The following PLEKHJ1 variants were observed in gnomAD, a reference collection of about 807,000 sequenced individuals.
PLEKHJ1 encodes pleckstrin homology domain containing J1.
In PLEKHJ1, 20 loss-of-function variants were observed where a neutral mutation model predicts 21.7. The observed-to-expected ratio is 0.92, with a 90% CI of 0.65 to 1.34. The LOEUF (loss-of-function observed/expected upper bound fraction) is 1.34, where lower values mean the gene tolerates loss of function less well. PLEKHJ1 is among the 40% of genes most tolerant of loss of function. PLEKHJ1 has a pLI of 0.00. For missense variants in PLEKHJ1, 241 were observed against 202.0 expected (o/e 1.19, Z -1.17); for synonymous variants, 113 against 80.6 (o/e 1.40, Z -2.15).
At chr19:2,230,055 A>G (rs992200096), downstream of PLEKHJ1, 1 of 609,352 alleles carries the variant, frequency 1.6e-6, no homozygotes, top group African/African-American at 1.9e-5. Flanking sequence ...CTAAGTGGTA[A>G]AAGGCAACTT....
In PLEKHJ1 at chr19:2,233,193, CT is replaced by C. The variant is rs3833283; in HGVS notation, c.*646del. 9,654 of 153,084 alleles carry C rather than the reference CT, an allele frequency of 0.063. 569 individuals carry two copies. The highest frequency in any genetic ancestry group is 0.15 in the African/African-American group (6,068 of 41,536). 9.5% of individuals were successfully genotyped at this position (153,084 alleles called of 1,614,324 possible). ...CCTTTATTTGAACAGAACAAGCACC[CT>C]GGCCCCAGGGCAACCACTTCCCCAG... is the stretch of plus-strand genomic sequence containing the variant. On this transcript the variant is annotated 3_prime_UTR_variant, in exon 6 of 6. Coordinates refer to ENST00000326631, the MANE Select transcript of PLEKHJ1 (RefSeq NM_018049.3).
chr19:2,236,091 C>T (rs1042810021), intron 1 of PLEKHJ1, 64 bp downstream of exon 1: 2 of 1,405,568 alleles, frequency 1.4e-6, no homozygotes, highest in Admixed American at 3.5e-5. Flanking sequence ...CCGGCACCCC[C>T]GCCCAGACCC....
downstream of PLEKHJ1, chr19:2,230,469 G>A (rs886721163): frequency 2.5e-6 from 1 of 399,152 alleles, no homozygotes; most frequent in Non-Finnish European, 4.4e-6. Context: ...CGGTGACGCA[G>A]CTGGCCATGT....
chr19:2,232,122 C>T (rs905537262), downstream of PLEKHJ1: 11 of 204,822 alleles, frequency 5.4e-5, no homozygotes, highest in East Asian at 1.5e-4. Flanking sequence ...CCTGAGTTTC[C>T]GTGGGCAGCT....
chr19:2,235,715 T>G (rs1307434111), intron 3 of PLEKHJ1, 47 bp downstream of exon 3: 2 of 1,508,492 alleles, frequency 1.3e-6, no homozygotes, highest in African/African-American at 1.4e-5. Context: ...GCGCTGCGGG[T>G]GCCCCGGGCT....
chr19:2,235,638 T>G, intron 3 of PLEKHJ1, 124 bp downstream of exon 3: 1 of 781,278 alleles, frequency 1.3e-6, no homozygotes, highest in Non-Finnish European at 2.0e-6. Flanking sequence ...ACTCTTGTGT[T>G]TGAGGAGGGT....
rs952726346 is a variant in PLEKHJ1 at position 2,236,177 on chromosome 19, C to G, written c.72G>C (p.Met24Ile). ...QPAEMAAELG[M>I]RGPKKGSVLK... Reference sequence around the variant, plus strand: ...CACCGCTGCCCTTCTTGGGGCCCCTCATGCCCAGCTCGGCCGCCATCTCGG... The same window carrying G: ...CACCGCTGCCCTTCTTGGGGCCCCTGATGCCCAGCTCGGCCGCCATCTCGG... Residue 24 changes from methionine to isoleucine, a missense_variant, in exon 1 of 6, where the codon ATG (methionine) becomes ATC (isoleucine). Coordinates refer to ENST00000326631, the MANE Select transcript of PLEKHJ1 (RefSeq NM_018049.3). 38 of 1,483,790 alleles carry G rather than the reference C, an allele frequency of 2.6e-5. No individual in the cohort carries two copies. The highest frequency in any genetic ancestry group is 3.1e-5 in the Non-Finnish European group (35 of 1,119,508). 91.9% of individuals were successfully genotyped at this position (1,483,790 alleles called of 1,614,324 possible).
chr19:2,236,088 C>A, intron 1 of PLEKHJ1, 67 bp downstream of exon 1: 2 of 1,412,874 alleles, frequency 1.4e-6, no homozygotes, highest in Non-Finnish European at 9.2e-7. Context: ...CCTCCGGCAC[C>A]CCCGCCCAGA....
In PLEKHJ1 at chr19:2,233,558, A is replaced by T. The variant is rs966486211; in HGVS notation, c.*282T>A. 6 of 518,112 alleles carry T rather than the reference A, an allele frequency of 1.2e-5. No homozygotes were observed. The highest frequency in any genetic ancestry group is 9.6e-5 in the African/African-American group (5 of 52,032). 32.1% of individuals were successfully genotyped at this position (518,112 alleles called of 1,614,324 possible). A position where few individuals can be genotyped will look rare whatever the true frequency, so the allele number is the denominator to read the frequency against. ...GGCTTCAGGCTTTGGATGTCTCCAA[A>T]CCAAAAACCTCCCACTGAAAATCCA... is the stretch of plus-strand genomic sequence containing the variant. On this transcript the variant is annotated 3_prime_UTR_variant, in exon 6 of 6. Coordinates refer to ENST00000326631, the MANE Select transcript of PLEKHJ1 (RefSeq NM_018049.3).
At position 2,234,092 on chromosome 19, in the gene PLEKHJ1, C is replaced by A. The variant is rs772427969; in HGVS notation, c.321-31G>T. ...GAAAAGGGTGGCACGGGGTCAAATG[C>A]CCGCTCTGCATGGCTGCTGTGCCCA... On this transcript the variant is annotated intron_variant, in intron 4 of 5. Coordinates refer to ENST00000326631, the MANE Select transcript of PLEKHJ1 (RefSeq NM_018049.3). The A allele has an allele frequency of 1.6e-5, 26 of 1,613,244 alleles. No homozygotes were observed. In the Admixed American group the frequency reaches 4.3e-4, roughly 27 times the overall value.
At chr19:2,232,577 G>C (rs968161393), downstream of PLEKHJ1, 1 of 201,490 alleles carries the variant, frequency 5.0e-6, no homozygotes, top group East Asian at 7.6e-5. Flanking sequence ...TTTTCACTCG[G>C]ACCTGGTGTG....
intron 3 of PLEKHJ1, 155 bp from the exon 4 acceptor site, chr19:2,234,395 G>A (rs768742091): frequency 2.3e-5 from 14 of 602,072 alleles, no homozygotes; most frequent in Non-Finnish European, 3.5e-5. Flanking sequence ...TATAAACAGG[G>A]TCTTTGCATA....
Position 2,233,875 on chromosome 19 carries a change from C to T in PLEKHJ1, c.415G>A (p.Glu139Lys). 6.2e-7 allele frequency: 1 copy of T among 1,612,270 alleles called. No homozygotes were observed. Among genetic ancestry groups the T allele is most frequent in the Non-Finnish European group, 8.5e-7 (1 of 1,179,786 alleles). The change falls in exon 6 of 6, where the codon GAG becomes AAG. Residue 139 changes from glutamate (E) to lysine (K), a missense_variant. Transcript: ENST00000326631. Reference protein sequence around the residue: ...DPLEQFGISEEARFQLSGLQA With the variant: ...DPLEQFGISEKARFQLSGLQA Reference sequence around the variant, plus strand: ...AAGCCACTCAGCTGGAACCTGGCCTCCTCGGATATGCCGAACTGTTCCAGG... The same window carrying T: ...AAGCCACTCAGCTGGAACCTGGCCTTCTCGGATATGCCGAACTGTTCCAGG...
downstream of PLEKHJ1, chr19:2,230,262 C>A (rs2024541176): frequency 2.3e-6 from 1 of 427,262 alleles, no homozygotes. Flanking sequence ...CCGGCCGGCT[C>A]CCCCGACGCG....
At chr19:2,234,395 G>T in intron 3 of PLEKHJ1, 155 bp from the exon 4 acceptor site, 1 of 602,190 alleles carries the variant, frequency 1.7e-6, no homozygotes, top group Non-Finnish European at 2.9e-6. Context: ...TATAAACAGG[G>T]TCTTTGCATA....
Position 2,233,615 on chromosome 19 carries a change from TG to T in PLEKHJ1, c.*224del, listed in dbSNP as rs1258558603. On this transcript the variant is annotated 3_prime_UTR_variant, in exon 6 of 6. Transcript: ENST00000326631. ...ATGGCCGGGTGTGGCGGCTCATGCC[TG>T]TGATCCCCGCTACTTGGGAAGCTGA... 1 of 569,216 alleles carries T rather than the reference TG, an allele frequency of 1.8e-6. No individual in the cohort carries two copies. Among genetic ancestry groups the T allele is most frequent in the Non-Finnish European group, 3.1e-6 (1 of 322,072 alleles). The allele number at this position is 569,216 out of a possible 1,614,324, so 35.3% of individuals were successfully genotyped here. A position where few individuals can be genotyped will look rare whatever the true frequency, so the allele number is the denominator to read the frequency against.
intron 3 of PLEKHJ1, chr19:2,235,437 G>C (rs1175122296): frequency 2.0e-5 from 8 of 393,162 alleles, no homozygotes; most frequent in East Asian, 1.4e-4. Flanking sequence ...AACAATGCTA[G>C]ACCCATGCTA....
chr19:2,231,588 C>T (rs2024600016), downstream of PLEKHJ1: 1 of 206,364 alleles, frequency 4.8e-6, no homozygotes, highest in African/African-American at 2.3e-5. Flanking sequence ...TGCCCAGTGC[C>T]CTCCCCACCC....
Position 2,233,765 on chromosome 19 carries a change from C to A in PLEKHJ1, c.*75G>T. 2 of 1,400,196 alleles carry A rather than the reference C, an allele frequency of 1.4e-6. No individual in the cohort carries two copies. The highest frequency in any genetic ancestry group is 5.0e-5 in the East Asian group (2 of 39,992). 86.7% of individuals were successfully genotyped at this position (1,400,196 alleles called of 1,614,324 possible). A position where few individuals can be genotyped will look rare whatever the true frequency, so the allele number is the denominator to read the frequency against. On this transcript the variant is annotated 3_prime_UTR_variant, in exon 6 of 6. Transcript: ENST00000326631. Reference sequence around the variant, plus strand: ...ACCAAAAACCAAAACAAAACAGATCCAGGCATGGCCAAGCGATTCATGGCT... The same window carrying A: ...ACCAAAAACCAAAACAAAACAGATCAAGGCATGGCCAAGCGATTCATGGCT...
Sources: gnomAD v4.1 joint callset for allele counts on GRCh38, gnomAD v4.1.1 for gene constraint, MANE v1.5 for transcripts, NCBI Gene and HGNC (gene_info 2026-07-23, HGNC 2026-07-21) for gene names.